The following RABGAP1L variants were observed in gnomAD, a reference collection of about 807,000 sequenced individuals.
RABGAP1L encodes the protein rab GTPase-activating protein 1-like.
RABGAP1L carries 63 observed loss-of-function variants against 137.7 expected under a neutral mutation model. The observed-to-expected ratio is 0.46, with a 90% CI of 0.37 to 0.56. The LOEUF (loss-of-function observed/expected upper bound fraction) is 0.56. RABGAP1L is among the 20% of genes least tolerant of loss of function. RABGAP1L has a pLI of 0.00. For synonymous variants in RABGAP1L, 431 were observed against 433.7 expected, an observed-to-expected ratio of 0.99 and a Z score of 0.08; for missense variants, 1,095 against 1,244.0, an observed-to-expected ratio of 0.88 and a Z score of 1.80.
intron 14 of RABGAP1L, among the ~76,000 whole-genome samples, chr1:174,649,207 G>T (rs140879315): frequency 6.6e-6 from 1 of 152,058 alleles, no homozygotes; most frequent in African/African-American, 2.4e-5. Flanking sequence ...TACATTTAAG[G>T]TTAATATTGT....
At chr1:174,223,330 C>T (rs150784817) in intron 3 of RABGAP1L, among the ~76,000 whole-genome samples, 160 of 138,558 alleles carry the variant, frequency 1.2e-3, no homozygotes, top group African/African-American at 4.1e-3. Context: ...GAAATTCCAG[C>T]TGCTCAGGAG....
intron 19 of RABGAP1L, among the ~76,000 whole-genome samples, chr1:174,859,968 TTTTTTTTTC>T (rs1303466402): frequency 1.2e-3 from 149 of 129,382 alleles, no homozygotes; most frequent in Middle Eastern, 3.6e-3. Context: ...TTTTTTTTTT[TTTTTTTTTC>T]CAAATAAAGT....
At chr1:174,444,976 G>A (rs755170363) in intron 13 of RABGAP1L, among the ~76,000 whole-genome samples, 5 of 151,916 alleles carry the variant, frequency 3.3e-5, no homozygotes, top group Admixed American at 2.6e-4. Context: ...TGTGATTATA[G>A]GCAAGTTATA....
intron 1 of RABGAP1L, among the ~76,000 whole-genome samples, chr1:174,196,312 C>G (rs1180820851): frequency 6.6e-6 from 1 of 151,130 alleles, no homozygotes; most frequent in African/African-American, 2.4e-5. Context: ...CAAGCTCTGC[C>G]TCCTGGGTTC....
chr1:174,769,337 G>T (rs150000081), intron 18 of RABGAP1L, among the ~76,000 whole-genome samples: 4 of 152,222 alleles, frequency 2.6e-5, no homozygotes, highest in African/African-American at 7.2e-5. Flanking sequence ...GGAGCAGTTG[G>T]TGGGTCCAGG....
At chr1:174,352,645 G>A (rs1186513913) in intron 11 of RABGAP1L, among the ~76,000 whole-genome samples, 2 of 152,160 alleles carry the variant, frequency 1.3e-5, no homozygotes, top group Non-Finnish European at 1.5e-5. Context: ...TGTTTGTTGG[G>A]TGTCTGAACA....
chr1:174,384,630 T>C (rs527786915), intron 12 of RABGAP1L, among the ~76,000 whole-genome samples: 19 of 152,324 alleles, frequency 1.2e-4, no homozygotes, highest in Admixed American at 2.0e-4. Flanking sequence ...ATATCCATTT[T>C]TCTCTCTTTA....
chr1:174,497,832 T>A (rs892248270), intron 13 of RABGAP1L, among the ~76,000 whole-genome samples: 7 of 152,276 alleles, frequency 4.6e-5, no homozygotes, highest in African/African-American at 1.7e-4. Flanking sequence ...AAGAAACTGA[T>A]TAGCTACTTC....
At chr1:174,226,997 G>A (rs1558048398) in intron 3 of RABGAP1L, among the ~76,000 whole-genome samples, 1 of 151,958 alleles carries the variant, frequency 6.6e-6, no homozygotes, top group Non-Finnish European at 1.5e-5. Context: ...ATCAAAAGGA[G>A]AATAATATTG....
chr1:174,453,960 ATT>A (rs1398542950), intron 13 of RABGAP1L, among the ~76,000 whole-genome samples: 1 of 152,140 alleles, frequency 6.6e-6, no homozygotes, highest in Non-Finnish European at 1.5e-5. Flanking sequence ...AAAAATTAAT[ATT>A]TGGTTAAAAA....
chr1:174,595,570 AACAG>A (rs1214767888), intron 13 of RABGAP1L, among the ~76,000 whole-genome samples: 10 of 144,328 alleles, frequency 6.9e-5, no homozygotes, highest in African/African-American at 2.6e-4. Flanking sequence ...TTTTCCTTCT[AACAG>A]ACAGGACCCT....
chr1:174,775,782 G>C (rs762592636), intron 18 of RABGAP1L, among the ~76,000 whole-genome samples: 1 of 152,152 alleles, frequency 6.6e-6, no homozygotes, highest in Non-Finnish European at 1.5e-5. Flanking sequence ...AGAATACCCG[G>C]ATGGTGCACA....
chr1:174,614,942 C>T (rs1324157240), intron 13 of RABGAP1L, among the ~76,000 whole-genome samples: 1 of 152,196 alleles, frequency 6.6e-6, no homozygotes, highest in Non-Finnish European at 1.5e-5. Context: ...CTCCTTTAAG[C>T]ACTTCTCTAT....
chr1:174,227,070 C>G (rs745816983), intron 3 of RABGAP1L, among the ~76,000 whole-genome samples: 30 of 151,786 alleles, frequency 2.0e-4, no homozygotes, highest in Non-Finnish European at 1.0e-4. Flanking sequence ...TAAGTTTTGT[C>G]AAAAAATCTG....
chr1:174,679,950 A>AAT (rs1677922731), intron 14 of RABGAP1L, among the ~76,000 whole-genome samples: 3 of 152,368 alleles, frequency 2.0e-5, no homozygotes, highest in Admixed American at 1.3e-4. Flanking sequence ...TTACAGACCT[A>AAT]AATGTAAATG....
intron 13 of RABGAP1L, among the ~76,000 whole-genome samples, chr1:174,406,594 G>T (rs1209750081): frequency 1.3e-5 from 2 of 152,176 alleles, no homozygotes; most frequent in Admixed American, 6.6e-5. Context: ...CGACTGCCTT[G>T]TTCTTTGTCA....
intron 13 of RABGAP1L, among the ~76,000 whole-genome samples, chr1:174,618,993 G>T (rs1234904633): frequency 6.6e-6 from 1 of 152,236 alleles, no homozygotes; most frequent in Non-Finnish European, 1.5e-5. Flanking sequence ...CGTGACGAAT[G>T]CACAAGCCTC....
intron 17 of RABGAP1L, among the ~76,000 whole-genome samples, chr1:174,729,366 T>C (rs1179918909): frequency 3.3e-5 from 5 of 152,142 alleles, no homozygotes; most frequent in Non-Finnish European, 5.9e-5. Flanking sequence ...TCACAAACTA[T>C]AAGAATCCTA....
chr1:174,462,451 T>A (rs2149284538), intron 13 of RABGAP1L, among the ~76,000 whole-genome samples: 1 of 152,262 alleles, frequency 6.6e-6, no homozygotes, highest in South Asian at 2.1e-4. Context: ...GTTGGCTCAG[T>A]TTTTCCAGCA....
Sources: gnomAD v4.1 joint callset for allele counts (sites outside exome capture counted in the v4.1 genomes callset) on GRCh38, gnomAD v4.1.1 for gene constraint, MANE v1.5 for transcripts, NCBI Gene and HGNC (gene_info 2026-07-23, HGNC 2026-07-21) for gene names.